The following MUC6 variants were observed in gnomAD, a reference collection of about 807,000 sequenced individuals.
MUC6 encodes the protein mucin-6.
MUC6 carries 188 observed loss-of-function variants against 201.5 expected under a neutral mutation model. The observed-to-expected ratio is 0.93, with a 90% CI of 0.83 to 1.05. The LOEUF (loss-of-function observed/expected upper bound fraction) is 1.05, where lower values mean the gene tolerates loss of function less well. Ranked by LOEUF, MUC6 falls within the 50% of genes least tolerant of loss-of-function variation. MUC6 has a pLI of 0.00. For missense variants in MUC6, 2,706 were observed against 3,256.9 expected (o/e 0.83, Z 4.12); for synonymous variants, 1,228 against 1,389.4 (o/e 0.88, Z 2.58).
At chr11:1,031,775 GGCCCCCGA>G (rs1857110929) in intron 3 of MUC6, 30 bp downstream of exon 3, 15 of 1,554,376 alleles carry the variant, frequency 9.7e-6, no homozygotes, top group Non-Finnish European at 1.3e-5. Context: ...TCAGTCCTCC[GGCCCCCGA>G]GCCCCCGGGC....
In MUC6 at chr11:1,026,429, T is replaced by A. The variant is rs769140996; in HGVS notation, c.2444A>T (p.Glu815Val). The A allele has an allele frequency of 6.8e-6, 11 of 1,608,202 alleles. No individual in the cohort carries two copies. Among genetic ancestry groups the A allele is most frequent in the Non-Finnish European group, 8.5e-7 (1 of 1,178,280 alleles). The change falls in exon 20 of 33, where the codon GAG becomes GTG. Residue 815 changes from glutamate to valine, a missense_variant. By Grantham distance (121) the Glu-to-Val change is moderately radical. Coordinates refer to ENST00000421673, the MANE Select transcript of MUC6 (RefSeq NM_005961.3). ...PGCVCAEGLY[E>V]NADGQCVPPE... is the part of the protein sequence containing the mutation. ...GGGCACACACTGCCCGTCGGCATTC[T>A]CGTAGAGGCCCTCGGCGCAGACACA...
chr11:1,030,285 A>G lies in MUC6; in HGVS notation c.943T>C (p.Cys315Arg). ...NQVYQECGSA[C>R]VKTCSNPQHS... is the part of the protein sequence containing the mutation. Reference sequence around the variant, plus strand: ...TGCGGGTTGGAGCAGGTCTTCACGCAGGCCGAGCCGCACTCCTGGTACACC... The same window carrying G: ...TGCGGGTTGGAGCAGGTCTTCACGCGGGCCGAGCCGCACTCCTGGTACACC... The change falls in exon 8 of 33, where the codon TGC becomes CGC. Residue 315 changes from cysteine to arginine, a missense_variant. Cys to Arg is a radical substitution (Grantham distance 180, BLOSUM62 -3). Transcript: ENST00000421673. 1 of 1,549,578 alleles carries G rather than the reference A, an allele frequency of 6.5e-7. No homozygotes were observed. The highest frequency in any genetic ancestry group is 8.7e-7 in the Non-Finnish European group (1 of 1,146,910).
In MUC6 at chr11:1,025,083, C is replaced by A; in HGVS notation, c.2986G>T (p.Asp996Tyr). 6.2e-7 allele frequency: 1 copy of A among 1,612,932 alleles called. No homozygotes were observed. Among genetic ancestry groups the A allele is most frequent in the South Asian group, 1.1e-5 (1 of 91,082 alleles). ...ILIRIARASQ[D>Y]PLCGLCGNFN... ...TTGCCACACAAGCCGCAGAGGGGAT[C>A]CTGCAGACGGTGGCATCAGGCCGGG... Residue 996 changes from aspartate to tyrosine, a missense_variant and splice_region_variant, in exon 24 of 33, where the codon GAT (aspartate) becomes TAT (tyrosine). Around this residue, in one of 10 missense-constraint regions of MUC6, gnomAD observed 1,850 missense variants for 1,958.3 expected, o/e 0.94. Coordinates refer to ENST00000421673, the MANE Select transcript of MUC6 (RefSeq NM_005961.3).
chr11:1,030,406 T>C, intron 7 of MUC6, 71 bp from the exon 8 acceptor site: 1 of 1,250,542 alleles, frequency 8.0e-7, no homozygotes, highest in East Asian at 5.2e-5. Flanking sequence ...CCCAGCTTGA[T>C]GGAGGACTTA....
chr11:1,022,802 T>A (rs1856846653), intron 26 of MUC6, among the ~76,000 whole-genome samples: 1 of 152,198 alleles, frequency 6.6e-6, no homozygotes, highest in African/African-American at 2.4e-5. Context: ...CGTGTGTGTA[T>A]GAGCGAATGT....
chr11:1,032,881 G>T, intron 2 of MUC6, 132 bp downstream of exon 2: 1 of 702,006 alleles, frequency 1.4e-6, no homozygotes, highest in Non-Finnish European at 2.3e-6. Context: ...ATGTGCATGT[G>T]TGTTCATGTT....
chr11:1,031,896 G>T lies in MUC6; in HGVS notation c.273C>A (p.Asp91Glu), dbSNP rs962994758. 2 of 1,613,168 alleles carry T rather than the reference G, an allele frequency of 1.2e-6. No individual in the cohort carries two copies. Among genetic ancestry groups the T allele is most frequent in the Admixed American group, 3.3e-5 (2 of 60,018 alleles). ...CCACGATGATCCGCGAGATGCTCCC[G>T]TCTGGGCCTCGCCGCAGCTGGACAC... The part of the protein sequence containing the change: ...TFSVQLRRGP[D>E]GSISRIIVEL... Residue 91 changes from aspartate to glutamate, a missense_variant, in exon 3 of 33, where the codon GAC (aspartate) becomes GAA (glutamate). This residue lies in a region of MUC6 where 1,850 missense variants were observed against 1,958.3 expected (regional missense o/e 0.94). Transcript: ENST00000421673.
At position 1,018,494 on chromosome 11, in the gene MUC6, G is replaced by T; in HGVS notation, c.4307C>A (p.Pro1436Gln). 1 of 1,613,884 alleles carries T rather than the reference G, an allele frequency of 6.2e-7. No homozygotes were observed. The highest frequency in any genetic ancestry group is 8.5e-7 in the Non-Finnish European group (1 of 1,179,796). ...GGGAAGTGTGGTCTCAGGGTGTGAT[G>T]GGGTTGGATAGGTAGTGGTGGCATG... ...SFHATTTYPT[P>Q]SHPETTLPTH... The change falls in exon 31 of 33, where the codon CCA becomes CAA. Residue 1436 changes from proline (P) to glutamine (Q), a missense_variant. Pro to Gln is a moderately conservative substitution (Grantham distance 76). Transcript: ENST00000421673.
chr11:1,023,434 G>T, intron 26 of MUC6, 75 bp downstream of exon 26: 1 of 1,487,112 alleles, frequency 6.7e-7, no homozygotes, highest in South Asian at 1.3e-5. Flanking sequence ...ATGAATGCGT[G>T]TGAATGAATG....
At chr11:1,028,143 T>C (rs1857009799) in intron 14 of MUC6, 83 bp downstream of exon 14, 1 of 1,534,288 alleles carries the variant, frequency 6.5e-7, no homozygotes, top group Non-Finnish European at 8.8e-7. Context: ...CCCTGGCAGC[T>C]GGGCCTGTGG....
chr11:1,028,433 A>G (rs1327680671), intron 13 of MUC6, 46 bp from the exon 14 acceptor site: 2 of 1,597,474 alleles, frequency 1.3e-6, no homozygotes, highest in Admixed American at 3.4e-5. Flanking sequence ...TCCCTCCTGC[A>G]CCCATTCCTG....
chr11:1,026,435 A>G lies in MUC6; in HGVS notation c.2438T>C (p.Leu813Pro). 6.2e-7 allele frequency: 1 copy of G among 1,608,090 alleles called. No homozygotes were observed. The highest frequency in any genetic ancestry group is 8.5e-7 in the Non-Finnish European group (1 of 1,178,152). The change falls in exon 20 of 33, where the codon CTC becomes CCC. Residue 813 changes from leucine to proline, a missense_variant. By Grantham distance (98) the Leu-to-Pro change is moderately conservative. This residue lies in a region of MUC6 where 1,850 missense variants were observed against 1,958.3 expected (regional missense o/e 0.94). Coordinates refer to ENST00000421673, the MANE Select transcript of MUC6 (RefSeq NM_005961.3). ...CEPGCVCAEG[L>P]YENADGQCVP... ...ACACTGCCCGTCGGCATTCTCGTAG[A>G]GGCCCTCGGCGCAGACACAGCCAGG... is the stretch of plus-strand genomic sequence containing the variant.
In MUC6 at chr11:1,015,890, G is replaced by T; in HGVS notation, c.6911C>A (p.Thr2304Asn). The T allele has an allele frequency of 1.9e-6, 3 of 1,608,762 alleles. No homozygotes were observed. Among genetic ancestry groups the T allele is most frequent in the Non-Finnish European group, 2.5e-6 (3 of 1,176,940 alleles). The stretch of plus-strand genomic sequence containing the variant: ...CAAGGTGGGACCAGGGTGCCTGGTG[G>T]TAAGGTTGGTGACTGGAGAGGTGGG... Reference protein sequence around the residue: ...GIPTSPVTNLTTRHPGPTLSP... With the variant: ...GIPTSPVTNLNTRHPGPTLSP... Residue 2304 changes from threonine to asparagine, a missense_variant, in exon 31 of 33, where the codon ACC becomes AAC. Coordinates refer to ENST00000421673, the MANE Select transcript of MUC6 (RefSeq NM_005961.3).
intron 14 of MUC6, 26 bp from the exon 15 acceptor site, chr11:1,028,085 G>A (rs372343411): frequency 7.1e-6 from 11 of 1,555,034 alleles, no homozygotes; most frequent in Non-Finnish European, 9.6e-6. Flanking sequence ...CCGGGCGTGA[G>A]TCCCGGCCCC....
intron 24 of MUC6, 148 bp downstream of exon 24, chr11:1,024,696 G>T: frequency 7.5e-7 from 1 of 1,326,960 alleles, no homozygotes. Context: ...CTGCACTCAG[G>T]CAGAGGGTCT....
chr11:1,031,357 C>T, intron 4 of MUC6, 98 bp from the exon 5 acceptor site: 2 of 1,254,736 alleles, frequency 1.6e-6, no homozygotes, highest in Non-Finnish European at 2.2e-6. Context: ...GAGCCCCCAC[C>T]ATCCCCCCAC....
At position 1,033,288 on chromosome 11, in the gene MUC6, C is replaced by T. The variant is rs1034763259; in HGVS notation, c.53-213G>A. On this transcript the variant is annotated intron_variant, in intron 1 of 32. Coordinates refer to ENST00000421673, the MANE Select transcript of MUC6 (RefSeq NM_005961.3). The surrounding 1 kb of genome is among the most constrained non-coding windows in gnomAD (Gnocchi z 5.6). ...GAGCCCCAGCTTCCTTCCCTGCTCT[C>T]GTTCACTCCCTCGTTTGTCCACTCA... 95 of 591,068 alleles carry T rather than the reference C, an allele frequency of 1.6e-4. No homozygotes were observed. The highest frequency in any genetic ancestry group is 1.6e-4 in the South Asian group (8 of 50,794). The allele number at this position is 591,068 out of a possible 1,614,324, so 36.6% of individuals were successfully genotyped here.
chr11:1,014,708 C>T (rs1478979757), intron 31 of MUC6, among the ~76,000 whole-genome samples: 1 of 152,202 alleles, frequency 6.6e-6, no homozygotes, highest in Admixed American at 6.5e-5. Context: ...CCCGTGTGCC[C>T]TCCCCTGGCT....
At chr11:1,026,726 C>T (rs769900005) in intron 19 of MUC6, among the ~76,000 whole-genome samples, 13 of 152,264 alleles carry the variant, frequency 8.5e-5, no homozygotes, top group Admixed American at 3.9e-4. Context: ...GCAGCCCACC[C>T]TCCCCGAGCT....
Sources: gnomAD v4.1 joint callset for allele counts (sites outside exome capture counted in the v4.1 genomes callset) on GRCh38, gnomAD v4.1.1 for gene constraint, gnomAD v4.1.1 regional missense constraint, Gnocchi (gnomAD v3.1) non-coding constraint, MANE v1.5 for transcripts, NCBI Gene and HGNC (gene_info 2026-07-23, HGNC 2026-07-21) for gene names.